KIF1C: variants seen among roughly 807,000 people sequenced by gnomAD.
KIF1C encodes kinesin family member 1C.
A neutral mutation model predicts 126.5 loss-of-function variants in KIF1C; 61 were observed. That is an observed-to-expected ratio of 0.48 (90% CI 0.39 to 0.60). KIF1C has a LOEUF of 0.60. Among genes scored for constraint, KIF1C ranks in the 20% least tolerant of loss-of-function variants. The probability of loss-of-function intolerance (pLI) is 0.00; values close to 1 mark genes in which losing one functional copy is unlikely to be tolerated. For missense variants in KIF1C, 1,315 were observed against 1,489.2 expected (o/e 0.88, Z 1.93); for synonymous variants, 640 against 580.6 (o/e 1.10, Z -1.47).
Position 5,026,789 on chromosome 17 carries a change from CT to C in KIF1C, c.*2641del, listed in dbSNP as rs906106687. 6.8e-6 allele frequency: 1 copy of C among 147,780 alleles called. No individual in the cohort carries two copies. The highest frequency in any genetic ancestry group is 2.5e-5 in the African/African-American group (1 of 40,030). The allele number at this position is 147,780 out of a possible 1,614,324, so 9.2% of individuals were successfully genotyped here. A position where few individuals can be genotyped will look rare whatever the true frequency, so the allele number is the denominator to read the frequency against. ...CACATATCCAGCCTTCCAAGTCAGT[CT>C]TTAATAATGTGCACGGGCCAGGCAC... On this transcript the variant is annotated 3_prime_UTR_variant, in exon 23 of 23. Transcript: ENST00000320785.
chr17:5,020,389 G>T lies in KIF1C; in HGVS notation c.1751-103G>T. The T allele has an allele frequency of 8.4e-7, 1 of 1,190,162 alleles. No individual in the cohort carries two copies. The highest frequency in any genetic ancestry group is 1.2e-6 in the Non-Finnish European group (1 of 850,698). The allele number at this position is 1,190,162 out of a possible 1,614,324, so 73.7% of individuals were successfully genotyped here. A position where few individuals can be genotyped will look rare whatever the true frequency, so the allele number is the denominator to read the frequency against. ...CCTTCAGACTTGGGGTGATGAAGGGGAGGGTGTCACAGCCCCTGTGCCAGA... is the reference window on the plus strand; with the variant it reads ...CCTTCAGACTTGGGGTGATGAAGGGTAGGGTGTCACAGCCCCTGTGCCAGA... On this transcript the variant is annotated intron_variant, in intron 19 of 22. Transcript: ENST00000320785. This position sits in a 1 kb window ranked among gnomAD's most constrained non-coding sequence, Gnocchi z 5.8.
intron 4 of KIF1C, among the ~76,000 whole-genome samples, 179 bp downstream of exon 4, chr17:5,001,027 G>A (rs1415560914): frequency 6.6e-6 from 1 of 152,040 alleles, no homozygotes; most frequent in Non-Finnish European, 1.5e-5. Context: ...CAGGAAGGCG[G>A]AATCCCTTGG....
At position 5,023,599 on chromosome 17, in the gene KIF1C, C is replaced by T; in HGVS notation, c.2760C>T (p.Ser920=). The T allele has an allele frequency of 6.2e-7, 1 of 1,613,780 alleles. No homozygotes were observed. Among genetic ancestry groups the T allele is most frequent in the Non-Finnish European group, 8.5e-7 (1 of 1,179,940 alleles). ...SARPPSPPLS[S]WERVSRLMEE... is the part of the protein sequence containing the mutation. Reference sequence around the variant, plus strand: ...GGCCCCCCTCGCCACCACTGTCAAGCTGGGAGCGGGTGTCACGGCTCATGG... The same window carrying T: ...GGCCCCCCTCGCCACCACTGTCAAGTTGGGAGCGGGTGTCACGGCTCATGG... The change falls in exon 23 of 23, where the codon AGC becomes AGT. Residue 920 remains serine, a synonymous_variant. Transcript: ENST00000320785. This position sits in a 1 kb window ranked among gnomAD's most constrained non-coding sequence, Gnocchi z 4.2.
Position 5,014,959 on chromosome 17 carries a change from G to A in KIF1C, c.1666+122G>A, listed in dbSNP as rs1974941847. On this transcript the variant is annotated intron_variant, in intron 18 of 22. Coordinates refer to ENST00000320785, the MANE Select transcript of KIF1C (RefSeq NM_006612.6). ...GTGCAGCCATATAAAGAGGGGATGT[G>A]GCCTTGTCCTCAGAGGGGCTTGGGG... is the stretch of plus-strand genomic sequence containing the variant. 12 of 773,794 alleles carry A rather than the reference G, an allele frequency of 1.6e-5. No individual in the cohort carries two copies. In the South Asian group the frequency reaches 1.8e-4, roughly 12 times the overall value. 47.9% of individuals were successfully genotyped at this position (773,794 alleles called of 1,614,324 possible). A position where few individuals can be genotyped will look rare whatever the true frequency, so the allele number is the denominator to read the frequency against.
intron 9 of KIF1C, 40 bp downstream of exon 9, chr17:5,003,729 T>C (rs1231205050): frequency 8.2e-6 from 13 of 1,587,250 alleles, no homozygotes; most frequent in South Asian, 7.7e-5. Context: ...TGGGGCAGTG[T>C]TGTGGGCTGT....
intron 16 of KIF1C, among the ~76,000 whole-genome samples, chr17:5,013,261 G>A (rs951200139): frequency 6.6e-6 from 1 of 152,164 alleles, no homozygotes; most frequent in Non-Finnish European, 1.5e-5. Flanking sequence ...TGAGACAGAG[G>A]AATATAGGGA....
chr17:5,007,236 T>A (rs1216171451), intron 14 of KIF1C, 27 bp from the exon 15 acceptor site: 3 of 1,597,136 alleles, frequency 1.9e-6, no homozygotes, highest in South Asian at 2.2e-5. Context: ...CAGACCATCC[T>A]GAAACCTACC....
intron 6 of KIF1C, 64 bp from the exon 7 acceptor site, chr17:5,002,400 G>C (rs1279781617): frequency 4.8e-6 from 7 of 1,455,902 alleles, no homozygotes; most frequent in Non-Finnish European, 6.6e-6. Flanking sequence ...AGTGGAGTCA[G>C]ATTAAGTTGC....
chr17:5,018,755 G>T (rs529068406), intron 18 of KIF1C, among the ~76,000 whole-genome samples: 1 of 152,008 alleles, frequency 6.6e-6, no homozygotes, highest in South Asian at 2.1e-4. Context: ...AATGACTTTA[G>T]ATTATCTTGT....
At chr17:4,998,551 G>A (rs1232700793) in intron 1 of KIF1C, among the ~76,000 whole-genome samples, 3 of 152,170 alleles carry the variant, frequency 2.0e-5, no homozygotes, top group Admixed American at 1.3e-4. Flanking sequence ...CCCCAGCCGT[G>A]CCACCCCATC....
At chr17:4,999,353 C>A (rs532354460) in intron 1 of KIF1C, among the ~76,000 whole-genome samples, 1 of 152,318 alleles carries the variant, frequency 6.6e-6, no homozygotes, top group African/African-American at 2.4e-5. Context: ...GCAGTTTCCT[C>A]TCTGGTCTCT....
At chr17:5,012,910 A>G (rs1319279787) in intron 16 of KIF1C, among the ~76,000 whole-genome samples, 3 of 151,276 alleles carry the variant, frequency 2.0e-5, no homozygotes, top group South Asian at 2.1e-4. Flanking sequence ...TTTTCAGCAC[A>G]GAGCAGCGTA....
At position 5,001,217 on chromosome 17, in the gene KIF1C, C is replaced by G. The variant is rs1974582841; in HGVS notation, c.184-5C>G. Reference sequence around the variant, plus strand: ...CTGTTTTTCTCTGCCCCCACTTTCTCCTAGACGGAGGACCCCCAGTTTGCA... The same window carrying G: ...CTGTTTTTCTCTGCCCCCACTTTCTGCTAGACGGAGGACCCCCAGTTTGCA... On this transcript the variant is annotated splice_polypyrimidine_tract_variant and splice_region_variant and intron_variant, in intron 4 of 22. Coordinates refer to ENST00000320785, the MANE Select transcript of KIF1C (RefSeq NM_006612.6). 1 of 1,613,852 alleles carries G rather than the reference C, an allele frequency of 6.2e-7. No individual in the cohort carries two copies.
Position 5,022,464 on chromosome 17 carries a change from G to T in KIF1C, c.2383G>T (p.Ala795Ser), listed in dbSNP as rs190022215. ...TYGKPDGPGD[A>S]WRAVARDVWD... ...TGGCAAGCCAGACGGCCCCGGAGACGCCTGGAGGGCTGTGGCCCGGGATGT... is the reference window on the plus strand; with the variant it reads ...TGGCAAGCCAGACGGCCCCGGAGACTCCTGGAGGGCTGTGGCCCGGGATGT... Residue 795 changes from alanine (A) to serine (S), a missense_variant, in exon 22 of 23, where the codon GCC becomes TCC. Ala to Ser is a moderately conservative substitution (Grantham distance 99). This residue lies in a region of KIF1C where 874 missense variants were observed against 1,053.2 expected (regional missense o/e 0.83). Transcript: ENST00000320785. This position sits in a 1 kb window ranked among gnomAD's most constrained non-coding sequence, Gnocchi z 4.9. 5.9e-5 allele frequency: 93 copies of T among 1,585,652 alleles called. No homozygotes were observed. The highest frequency in any genetic ancestry group is 6.0e-6 in the Non-Finnish European group (7 of 1,164,686).
At position 5,002,656 on chromosome 17, in the gene KIF1C, A is replaced by T. The variant is rs1405868057; in HGVS notation, c.608+14A>T. 8.7e-6 allele frequency: 14 copies of T among 1,611,678 alleles called. No homozygotes were observed. Among genetic ancestry groups the T allele is most frequent in the East Asian group, 2.2e-5 (1 of 44,782 alleles). ...AAATAAAGCACGGTGAGGCAGGCTGATGGAGCAGAGGGCAAGGGGGCCAGG... is the reference window on the plus strand; with the variant it reads ...AAATAAAGCACGGTGAGGCAGGCTGTTGGAGCAGAGGGCAAGGGGGCCAGG... On this transcript the variant is annotated intron_variant, in intron 7 of 22. Transcript: ENST00000320785.
Position 5,008,025 on chromosome 17 carries a change from G to A in KIF1C, c.1491+483G>A, listed in dbSNP as rs551651014. 2.6e-5 allele frequency among the ~76,000 whole-genome samples: 4 copies of A among 152,294 alleles called. No homozygotes were observed. In the South Asian group the frequency reaches 8.3e-4, roughly 32 times the overall value. On this transcript the variant is annotated intron_variant, in intron 16 of 22. Transcript: ENST00000320785. Reference sequence around the variant, plus strand: ...TGCTGCAACTGGTTTCCTGGAGAAGGTGGTTTGGAAAGTGGAACCTGAAAG... The same window carrying A: ...TGCTGCAACTGGTTTCCTGGAGAAGATGGTTTGGAAAGTGGAACCTGAAAG...
In KIF1C at chr17:5,024,221, C is replaced by A; in HGVS notation, c.*70C>A. The stretch of plus-strand genomic sequence containing the variant: ...AGAAGGGAAGACGCCCGAGACGCTG[C>A]TTCCCCAGAAGTGCTGGGGCAGGGA... On this transcript the variant is annotated 3_prime_UTR_variant, in exon 23 of 23. Transcript: ENST00000320785. 1 of 1,162,874 alleles carries A rather than the reference C, an allele frequency of 8.6e-7. No homozygotes were observed. Among genetic ancestry groups the A allele is most frequent in the Non-Finnish European group, 1.2e-6 (1 of 810,414 alleles). 72.0% of individuals were successfully genotyped at this position (1,162,874 alleles called of 1,614,324 possible).
In KIF1C at chr17:5,020,834, A is replaced by G. The variant is rs1199796606; in HGVS notation, c.1966A>G (p.Lys656Glu). 2.5e-6 allele frequency: 4 copies of G among 1,592,206 alleles called. No homozygotes were observed. Among genetic ancestry groups the G allele is most frequent in the Non-Finnish European group, 3.4e-6 (4 of 1,169,124 alleles). Residue 656 changes from lysine to glutamate, a missense_variant, in exon 21 of 23, where the codon AAA (lysine) becomes GAA (glutamate). Physicochemically the swap from Lys to Glu is moderately conservative, Grantham distance 56. This residue lies in a region of KIF1C where 874 missense variants were observed against 1,053.2 expected (regional missense o/e 0.83). Transcript: ENST00000320785. This position sits in a 1 kb window ranked among gnomAD's most constrained non-coding sequence, Gnocchi z 5.8. ...GCAGGATCTGGAGAATCAGTACCGGAAAGAAAAGGAAGAAGCCGATCTTCT... is the reference window on the plus strand; with the variant it reads ...GCAGGATCTGGAGAATCAGTACCGGGAAGAAAAGGAAGAAGCCGATCTTCT... ...RLQDLENQYR[K>E]EKEEADLLLE...
chr17:5,024,087 C>T lies in KIF1C; in HGVS notation c.3248C>T (p.Thr1083Ile), dbSNP rs1157739071. 6.2e-7 allele frequency: 1 copy of T among 1,608,942 alleles called. No individual in the cohort carries two copies. The highest frequency in any genetic ancestry group is 8.5e-7 in the Non-Finnish European group (1 of 1,177,418). ...PPGPRYPPYTTPPRMRRQRSA... is the reference protein window; with the variant it reads ...PPGPRYPPYTIPPRMRRQRSA... ...GGGCCCCGCTACCCCCCATACACTA[C>T]TCCCCCACGAATGAGACGGCAGCGT... Residue 1083 changes from threonine (T) to isoleucine (I), a missense_variant, in exon 23 of 23, where the codon ACT (threonine) becomes ATT (isoleucine). This residue lies in a region of KIF1C where 441 missense variants were observed against 436.1 expected (regional missense o/e 1.01). Coordinates refer to ENST00000320785, the MANE Select transcript of KIF1C (RefSeq NM_006612.6).
Sources: gnomAD v4.1 joint callset for allele counts (sites outside exome capture counted in the v4.1 genomes callset) on GRCh38, gnomAD v4.1.1 for gene constraint, gnomAD v4.1.1 regional missense constraint, Gnocchi (gnomAD v3.1) non-coding constraint, MANE v1.5 for transcripts, NCBI Gene and HGNC (gene_info 2026-07-23, HGNC 2026-07-21) for gene names.